The following PDXDC1 variants were observed in gnomAD, a reference collection of about 807,000 sequenced individuals.
PDXDC1 encodes the protein pyridoxal-dependent decarboxylase domain-containing protein 1.
In PDXDC1, 42 loss-of-function variants were observed where a neutral mutation model predicts 100.1. That is an observed-to-expected ratio of 0.42 (90% CI 0.33 to 0.54). The LOEUF (loss-of-function observed/expected upper bound fraction) is 0.54. Among genes scored for constraint, PDXDC1 ranks in the 20% least tolerant of loss-of-function variants. The pLI is 0.10. For synonymous variants in PDXDC1, 260 were observed against 371.7 expected, an observed-to-expected ratio of 0.70 and a Z score of 3.46; for missense variants, 636 against 979.2, an observed-to-expected ratio of 0.65 and a Z score of 4.68.
chr16:15,148,604 A>C, the PDXDC1 span, among the ~76,000 whole-genome samples: 1 of 151,118 alleles, frequency 6.6e-6, no homozygotes, highest in African/African-American at 2.4e-5. Context: ...GGCTGGTGTC[A>C]AACTCCTGGG....
intron 16 of PDXDC1, among the ~76,000 whole-genome samples, chr16:15,052,152 GTC>G (rs1455017953): frequency 1.3e-5 from 2 of 152,176 alleles, no homozygotes; most frequent in Non-Finnish European, 2.9e-5. Flanking sequence ...CAAGGCCGCA[GTC>G]TCTGTCACAA....
At chr16:15,000,009 A>G (rs914966083) in intron 3 of PDXDC1, among the ~76,000 whole-genome samples, 1 of 152,294 alleles carries the variant, frequency 6.6e-6, no homozygotes, top group Non-Finnish European at 1.5e-5. Flanking sequence ...TGAGATACTA[A>G]TACTTTAAAA....
chr16:15,056,266 C>T, intron 16 of PDXDC1, among the ~76,000 whole-genome samples: 1 of 152,236 alleles, frequency 6.6e-6, no homozygotes, highest in East Asian at 1.9e-4. Context: ...AAGTGTAGTC[C>T]CAAAAGCGTG....
intron 3 of PDXDC1, among the ~76,000 whole-genome samples, chr16:15,000,112 T>A (rs1236673318): frequency 6.6e-6 from 1 of 152,282 alleles, no homozygotes; most frequent in East Asian, 1.9e-4. Context: ...CTATAAAATC[T>A]CCTCATTCCA....
chr16:15,022,182 C>T (rs1197657223), intron 12 of PDXDC1, among the ~76,000 whole-genome samples: 1 of 152,292 alleles, frequency 6.6e-6, no homozygotes, highest in Non-Finnish European at 1.5e-5. Context: ...TATTGCATAT[C>T]AACTCATTTA....
In PDXDC1 at chr16:15,058,920, A is replaced by G. The variant is rs535389696; in HGVS notation, c.1399+28864A>G. Among the ~76,000 whole-genome samples the G allele has an allele frequency of 4.6e-5, 7 of 152,298 alleles. No individual in the cohort carries two copies. The East Asian group carries it at 1.4e-3, about 29-fold the overall frequency. On this transcript the variant is annotated intron_variant, in intron 16 of 16. Coordinates refer to the PDXDC1 transcript ENST00000535621. The stretch of plus-strand genomic sequence containing the variant: ...AGTGCTCAGATTACAGGCATGAGCT[A>G]CCACACCTGGCCCCAAATTATTAGA...
chr16:15,108,102 G>A lies in PDXDC1; in HGVS notation c.1400-30777G>A, dbSNP rs2046879176. ...AATGGCTCCTAAGTCAGGGTGTCATGTCCTGAAAATAGGTGACAACTGCAA... is the reference window on the plus strand; with the variant it reads ...AATGGCTCCTAAGTCAGGGTGTCATATCCTGAAAATAGGTGACAACTGCAA... On this transcript the variant is annotated intron_variant, in intron 16 of 16. Coordinates refer to the PDXDC1 transcript ENST00000535621. 1.3e-5 allele frequency: 12 copies of A among 917,310 alleles called. 1 individual carries two copies. The highest frequency in any genetic ancestry group is 6.2e-5 in the Admixed American group (1 of 16,118). The allele number at this position is 917,310 out of a possible 1,614,324, so 56.8% of individuals were successfully genotyped here. A position where few individuals can be genotyped will look rare whatever the true frequency, so the allele number is the denominator to read the frequency against.
At chr16:15,035,967 A>G (rs1159083379) in intron 22 of PDXDC1, 49 bp from the exon 23 acceptor site, 2 of 1,553,426 alleles carry the variant, frequency 1.3e-6, no homozygotes, top group East Asian at 2.3e-5. Flanking sequence ...CCTGTGTTGC[A>G]GAAGTATCCT....
At chr16:15,135,700 A>C (rs201161125) in intron 16 of PDXDC1, 2 of 1,596,292 alleles carry the variant, frequency 1.3e-6, no homozygotes, top group Non-Finnish European at 1.7e-6. Flanking sequence ...TCTGGTCGCC[A>C]TCCTCCAGGT....
Position 15,133,641 on chromosome 16 carries a change from G to A in PDXDC1, c.1400-5238G>A, listed in dbSNP as rs1197277456. The A allele has an allele frequency of 2.7e-5, 37 of 1,379,032 alleles. No homozygotes were observed. In the East Asian group the frequency reaches 3.9e-4, roughly 15 times the overall value. 85.4% of individuals were successfully genotyped at this position (1,379,032 alleles called of 1,614,324 possible). On this transcript the variant is annotated intron_variant, in intron 16 of 16. Transcript: ENST00000535621. ...CAGAACTCCTCGCAGTGGCCCTGGC[G>A]ACAGCGCTGCAGCAGCAGGGCGTAC...
chr16:15,104,481 T>C (rs199901813), intron 16 of PDXDC1: 7 of 1,055,654 alleles, frequency 6.6e-6, no homozygotes, highest in Non-Finnish European at 7.8e-6. Flanking sequence ...ACTCGGGAGG[T>C]GTCTTGAGAT....
chr16:15,144,087 C>CGTCCTCTCCTGGAGGAGCCGG (rs1406670543), downstream of PDXDC1, among the ~76,000 whole-genome samples: 1 of 152,172 alleles, frequency 6.6e-6, no homozygotes, highest in African/African-American at 2.4e-5. Context: ...TGCCAGGCCC[C>CGTCCTCTCCTGGAGGAGCCGG]GTCCTCTCCT....
chr16:15,003,942 C>T (rs1973725956), intron 4 of PDXDC1, among the ~76,000 whole-genome samples: 1 of 152,284 alleles, frequency 6.6e-6, no homozygotes, highest in African/African-American at 2.4e-5. Context: ...TGAGATCGCA[C>T]CACTGCACCC....
intron 11 of PDXDC1, among the ~76,000 whole-genome samples, chr16:15,018,555 G>C (rs1474096452): frequency 2.0e-5 from 3 of 152,266 alleles, no homozygotes; most frequent in Non-Finnish European, 4.4e-5. Flanking sequence ...TACCTTCGAA[G>C]TGGGGAGTCT....
chr16:15,017,975 G>A (rs1245867328), intron 11 of PDXDC1, among the ~76,000 whole-genome samples: 1 of 152,186 alleles, frequency 6.6e-6, no homozygotes. Flanking sequence ...TGTATTTTTA[G>A]TAGAGGCAGT....
At chr16:15,061,647 C>A in intron 16 of PDXDC1, 2 of 1,203,634 alleles carry the variant, frequency 1.7e-6, no homozygotes, top group South Asian at 1.4e-5. Flanking sequence ...CGCTCTAGTT[C>A]AATGCCATCA....
Position 15,036,165 on chromosome 16 carries a change from C to A in PDXDC1, c.2257C>A (p.Pro753Thr). The A allele has an allele frequency of 6.2e-7, 1 of 1,614,124 alleles. No homozygotes were observed. The highest frequency in any genetic ancestry group is 1.3e-5 in the African/African-American group (1 of 75,024). Residue 753 changes from proline to threonine, a missense_variant, in exon 23 of 23, where the codon CCA becomes ACA. Around this residue, in one of 4 missense-constraint regions of PDXDC1, gnomAD observed 452 missense variants for 402.9 expected, o/e 1.12. Transcript: ENST00000396410. The part of the protein sequence containing the change: ...TLEASSTEGH[P>T]GAPSPQHTDQ... ...CGAGGCCAGCAGCACTGAGGGACAC[C>A]CAGGGGCTCCCAGCCCTCAGCACAC...
At chr16:15,074,696 C>A in intron 16 of PDXDC1, 1 of 1,586,046 alleles carries the variant, frequency 6.3e-7, no homozygotes, top group Non-Finnish European at 8.6e-7. Flanking sequence ...TGCAGGTGTT[C>A]AATAAACAGT....
intron 16 of PDXDC1, among the ~76,000 whole-genome samples, chr16:15,052,908 T>C (rs1477488716): frequency 6.6e-6 from 1 of 152,196 alleles, no homozygotes; most frequent in African/African-American, 2.4e-5. Flanking sequence ...GGAACCGTAT[T>C]ACCCAAGATG....
Sources: allele counts gnomAD v4.1 joint callset (sites outside exome capture counted in the v4.1 genomes callset), GRCh38; gene constraint gnomAD v4.1.1; regional missense constraint gnomAD v4.1.1; transcripts MANE v1.5; gene names NCBI Gene and HGNC (gene_info 2026-07-23, HGNC 2026-07-21).